The following AGXT2 variants were observed in gnomAD, a reference collection of about 807,000 sequenced individuals.
AGXT2 encodes the protein alanine--glyoxylate aminotransferase 2, mitochondrial.
AGXT2 carries 61 observed loss-of-function variants against 62.5 expected under a neutral mutation model. That is an observed-to-expected ratio of 0.98 (90% CI 0.79 to 1.21). AGXT2 has a LOEUF of 1.21. Among genes scored for constraint, AGXT2 ranks in the 50% most tolerant of loss-of-function variants. AGXT2 has a pLI of 0.00. For missense variants in AGXT2, 666 were observed against 641.5 expected (o/e 1.04, Z -0.41); for synonymous variants, 243 against 218.7 (o/e 1.11, Z -0.98).
chr5:35,022,769 GAAA>G (rs1767162684), intron 9 of AGXT2, among the ~76,000 whole-genome samples: 1 of 141,326 alleles, frequency 7.1e-6, no homozygotes, highest in Admixed American at 7.0e-5. Context: ...AAAAGGAAAA[GAAA>G]AGAAAAAGCA....
At chr5:35,026,308 A>G in intron 8 of AGXT2, 102 bp downstream of exon 8, 1 of 941,874 alleles carries the variant, frequency 1.1e-6, no homozygotes, top group Non-Finnish European at 1.7e-6. Context: ...AGAGGGACAC[A>G]GTGAGCACTT....
intron 7 of AGXT2, 99 bp from the exon 8 acceptor site, chr5:35,026,609 A>G (rs1398000745): frequency 6.1e-6 from 7 of 1,152,450 alleles, no homozygotes; most frequent in South Asian, 4.0e-5. Context: ...AAAAAAAACA[A>G]CCAGACAGGG....
chr5:35,033,249 T>C, intron 6 of AGXT2: 1 of 565,176 alleles, frequency 1.8e-6, no homozygotes, highest in Non-Finnish European at 3.2e-6. Flanking sequence ...GCAAAATACA[T>C]TTTAAAACTC....
In AGXT2 at chr5:35,039,391, C is replaced by T. The variant is rs1425012895; in HGVS notation, c.295G>A (p.Ala99Thr). The change falls in exon 3 of 14, where the codon GCT becomes ACT. Residue 99 changes from alanine (A) to threonine (T), a missense_variant. Transcript: ENST00000231420. ...HQGHMEWLFD[A>T]EGSRYLDFFS... ...AAATCCAGGTATCTGCTTCCTTCAG[C>T]ATCAAAGAGCCACTCCATGTGCCCC... 1 of 1,614,136 alleles carries T rather than the reference C, an allele frequency of 6.2e-7. No individual in the cohort carries two copies. Among genetic ancestry groups the T allele is most frequent in the East Asian group, 2.2e-5 (1 of 44,882 alleles).
At chr5:35,016,797 T>C (rs1766863635) in intron 9 of AGXT2, among the ~76,000 whole-genome samples, 5 of 152,200 alleles carry the variant, frequency 3.3e-5, no homozygotes, top group Admixed American at 2.6e-4. Flanking sequence ...GTTTAGTCAC[T>C]GAGGAAGTAT....
chr5:35,037,134 T>C, intron 3 of AGXT2, 69 bp from the exon 4 acceptor site: 9 of 1,607,542 alleles, frequency 5.6e-6, no homozygotes, highest in Middle Eastern at 2.1e-4. Flanking sequence ...CCCTGGTCAT[T>C]GGACCCAAAT....
At chr5:35,015,373 T>C (rs163905) in intron 9 of AGXT2, among the ~76,000 whole-genome samples, 69,596 of 151,876 alleles carry the variant, frequency 0.46, 16,323 homozygotes, top group African/African-American at 0.55. Context: ...AATAAAGCCA[T>C]ACAAACTTCT....
chr5:35,006,493 G>A (rs1256227536), intron 12 of AGXT2, among the ~76,000 whole-genome samples: 2 of 152,116 alleles, frequency 1.3e-5, no homozygotes, highest in Non-Finnish European at 2.9e-5. Context: ...TGTGGGGAGA[G>A]CAGGAGCAAG....
chr5:35,047,642 G>C (rs1467047506), intron 1 of AGXT2, among the ~76,000 whole-genome samples, 163 bp downstream of exon 1: 2 of 6,686 alleles, frequency 3.0e-4, no homozygotes, highest in Non-Finnish European at 1.6e-3. Context: ...TATGAAAATG[G>C]GGCATTGACT....
At position 35,012,839 on chromosome 5, in the gene AGXT2, A is replaced by G. The variant is rs937021276; in HGVS notation, c.1188+115T>C. Reference sequence around the variant, plus strand: ...GAAATCTAACTTTAATGGATAAACTATGAATTAACTCTCCCCTTTAACAAC... The same window carrying G: ...GAAATCTAACTTTAATGGATAAACTGTGAATTAACTCTCCCCTTTAACAAC... On this transcript the variant is annotated intron_variant, in intron 11 of 13. Coordinates refer to ENST00000231420, the MANE Select transcript of AGXT2 (RefSeq NM_031900.4). The G allele has an allele frequency of 3.0e-4, 295 of 974,908 alleles. 1 individual carries two copies. The highest frequency in any genetic ancestry group is 3.5e-4 in the Non-Finnish European group (218 of 621,694). 60.4% of individuals were successfully genotyped at this position (974,908 alleles called of 1,614,324 possible). A position where few individuals can be genotyped will look rare whatever the true frequency, so the allele number is the denominator to read the frequency against.
At chr5:35,002,386 G>A (rs1366623121) in intron 13 of AGXT2, among the ~76,000 whole-genome samples, 1 of 152,156 alleles carries the variant, frequency 6.6e-6, no homozygotes, top group Admixed American at 6.5e-5. Flanking sequence ...GGAGAAACAA[G>A]CACACAGATG....
chr5:35,007,817 T>A (rs1442370345), intron 12 of AGXT2, among the ~76,000 whole-genome samples: 2 of 151,908 alleles, frequency 1.3e-5, no homozygotes, highest in Non-Finnish European at 2.9e-5. Flanking sequence ...TAAAAAGAGG[T>A]GCTTGGGTGG....
chr5:35,018,423 G>A (rs556368991), intron 9 of AGXT2, among the ~76,000 whole-genome samples: 12 of 152,146 alleles, frequency 7.9e-5, no homozygotes, highest in East Asian at 1.9e-4. Flanking sequence ...AATATTCAAC[G>A]TTCTTAAAGA....
At chr5:35,046,609 T>C (rs1362970168) in intron 1 of AGXT2, among the ~76,000 whole-genome samples, 1 of 152,212 alleles carries the variant, frequency 6.6e-6, no homozygotes, top group Non-Finnish European at 1.5e-5. Context: ...ACAAGTTTGG[T>C]TGAAGATAAA....
At chr5:35,038,017 T>C (rs1767847597) in intron 3 of AGXT2, among the ~76,000 whole-genome samples, 1 of 152,210 alleles carries the variant, frequency 6.6e-6, no homozygotes, top group African/African-American at 2.4e-5. Context: ...AAAAAATCAA[T>C]TTAGTGGGTA....
In AGXT2 at chr5:35,047,914, C is replaced by G; in HGVS notation, c.-22G>C. ...TCATTTCTCCCACTCAGAAAGCCAA[C>G]CCCCATGGAAGCAGATTGGAGGCCG... is the stretch of plus-strand genomic sequence containing the variant. On this transcript the variant is annotated 5_prime_UTR_variant, in exon 1 of 14. Transcript: ENST00000231420. 2 of 1,613,862 alleles carry G rather than the reference C, an allele frequency of 1.2e-6. No individual in the cohort carries two copies. Among genetic ancestry groups the G allele is most frequent in the South Asian group, 2.2e-5 (2 of 91,066 alleles).
chr5:35,006,692 G>T (rs1480362058), intron 12 of AGXT2, among the ~76,000 whole-genome samples: 1 of 152,102 alleles, frequency 6.6e-6, no homozygotes, highest in African/African-American at 2.4e-5. Flanking sequence ...ATGTCACCAG[G>T]TCAAAATGTA....
intron 9 of AGXT2, among the ~76,000 whole-genome samples, chr5:35,019,930 G>A (rs1767002544): frequency 6.6e-6 from 1 of 152,172 alleles, no homozygotes; most frequent in African/African-American, 2.4e-5. Context: ...TACCATCAGA[G>A]AATACTACAA....
chr5:34,999,552 A>G (rs1422991952), intron 13 of AGXT2, among the ~76,000 whole-genome samples: 3 of 152,162 alleles, frequency 2.0e-5, no homozygotes, highest in Non-Finnish European at 2.9e-5. Context: ...TTAGAGAAAA[A>G]TCACACAGCT....
Sources: gnomAD v4.1 joint callset for allele counts (sites outside exome capture counted in the v4.1 genomes callset) on GRCh38, gnomAD v4.1.1 for gene constraint, MANE v1.5 for transcripts, NCBI Gene and HGNC (gene_info 2026-07-23, HGNC 2026-07-21) for gene names.